PDE11A: variants seen among roughly 807,000 people sequenced by gnomAD.
PDE11A encodes the protein dual 3',5'-cyclic-AMP and -GMP phosphodiesterase 11A.
Under a neutral mutation model 100.5 loss-of-function variants are expected in PDE11A, and 100 were observed. The ratio of observed to expected loss-of-function variants is 1.00; its 90% CI spans 0.85 to 1.18. The LOEUF (loss-of-function observed/expected upper bound fraction) is 1.18, where lower values mean the gene tolerates loss of function less well. PDE11A is among the 50% of genes most tolerant of loss of function. The pLI, the probability that PDE11A is intolerant of heterozygous loss-of-function variation, is 0.00. For missense variants in PDE11A, 1,141 were observed against 1,152.6 expected (o/e 0.99, Z 0.15); for synonymous variants, 381 against 420.8 (o/e 0.91, Z 1.16).
intron 9 of PDE11A, among the ~76,000 whole-genome samples, chr2:177,816,135 C>T (rs946809419): frequency 1.1e-4 from 16 of 151,432 alleles, no homozygotes; most frequent in South Asian, 4.2e-4. Flanking sequence ...TGCTTGAACC[C>T]GGGAGGTAGA....
chr2:177,896,338 C>T (rs571445445), intron 4 of PDE11A, among the ~76,000 whole-genome samples: 97 of 152,320 alleles, frequency 6.4e-4, no homozygotes, highest in Non-Finnish European at 1.2e-3. Flanking sequence ...TTAGACCACA[C>T]CATAAAAATT....
Position 177,675,412 on chromosome 2 carries a change from C to G in PDE11A, c.2487+43G>C, listed in dbSNP as rs189004738. The stretch of plus-strand genomic sequence containing the variant: ...GAATATTGTGTCCCCCTTACGCCCC[C>G]CAGTCCCTCCTCTGCTGAGCCCTGC... On this transcript the variant is annotated intron_variant, in intron 17 of 19. Transcript: ENST00000286063. 2.3e-4 allele frequency: 327 copies of G among 1,434,386 alleles called. 2 individuals are homozygous for G. In the African/African-American group the frequency reaches 3.7e-3, roughly 16 times the overall value. The allele number at this position is 1,434,386 out of a possible 1,614,324, so 88.9% of individuals were successfully genotyped here. A position where few individuals can be genotyped will look rare whatever the true frequency, so the allele number is the denominator to read the frequency against.
intron 1 of PDE11A, among the ~76,000 whole-genome samples, chr2:178,031,224 A>C (rs956856612): frequency 6.6e-6 from 1 of 152,204 alleles, no homozygotes; most frequent in African/African-American, 2.4e-5. Flanking sequence ...AACCCACAGA[A>C]ACCTCATACC....
In PDE11A at chr2:177,785,699, C is replaced by T. The variant is rs932105564; in HGVS notation, c.1738-16326G>A. Among the ~76,000 whole-genome samples, 4 of 152,176 alleles carry T rather than the reference C, an allele frequency of 2.6e-5. No homozygotes were observed. In the South Asian group the frequency reaches 6.2e-4, roughly 24 times the overall value. ...CTCCCACCCTAATACTGCGCTTTTC[C>T]GACGGGCTTAAAAAACGGCGCACCA... is the stretch of plus-strand genomic sequence containing the variant. On this transcript the variant is annotated intron_variant, in intron 9 of 19. Coordinates refer to ENST00000286063, the MANE Select transcript of PDE11A (RefSeq NM_016953.4).
chr2:177,686,912 T>C (rs2080960685), intron 15 of PDE11A: 1 of 151,988 alleles, frequency 6.6e-6, no homozygotes, highest in Admixed American at 6.6e-5. Flanking sequence ...AGATGGTGTT[T>C]TGCTATGTTG....
At chr2:177,823,861 G>A (rs1294840903) in intron 6 of PDE11A, among the ~76,000 whole-genome samples, 1 of 152,178 alleles carries the variant, frequency 6.6e-6, no homozygotes, top group Non-Finnish European at 1.5e-5. Context: ...GCACCAAGTA[G>A]TAAACACAAT....
intron 1 of PDE11A, among the ~76,000 whole-genome samples, chr2:178,069,430 A>G (rs1428584077): frequency 6.6e-5 from 10 of 152,170 alleles, no homozygotes; most frequent in Non-Finnish European, 8.8e-5. Context: ...AAGCCAATGG[A>G]AAAAGAAAAG....
intron 2 of PDE11A, among the ~76,000 whole-genome samples, chr2:177,958,073 T>G (rs1189416403): frequency 6.6e-6 from 1 of 152,002 alleles, no homozygotes; most frequent in African/African-American, 2.4e-5. Context: ...GTATTTTTAG[T>G]AGACACGGGG....
chr2:177,947,325 G>A (rs1454974116), intron 2 of PDE11A, among the ~76,000 whole-genome samples: 1 of 149,338 alleles, frequency 6.7e-6, no homozygotes, highest in Non-Finnish European at 1.5e-5. Context: ...GGAATAGAAA[G>A]GCGGGAAAGG....
chr2:177,972,389 G>GT (rs1227947112), intron 2 of PDE11A, among the ~76,000 whole-genome samples: 3 of 152,186 alleles, frequency 2.0e-5, no homozygotes, highest in Admixed American at 2.0e-4. Context: ...TGTCTGGCAG[G>GT]TAATACTCAA....
chr2:178,072,913 C>T (rs1221066423), upstream of PDE11A: 2 of 985,312 alleles, frequency 2.0e-6, no homozygotes, highest in Non-Finnish European at 2.4e-6. Context: ...GGCTGCCAGG[C>T]GGTTCCTGGA....
intron 1 of PDE11A, among the ~76,000 whole-genome samples, chr2:178,059,704 G>T (rs1390059151): frequency 1.3e-5 from 2 of 152,170 alleles, no homozygotes; most frequent in African/African-American, 4.8e-5. Flanking sequence ...AGTGAAAACT[G>T]AAACAGGAAG....
At position 177,659,666 on chromosome 2, in the gene PDE11A, G is replaced by C. The variant is rs1258711546; in HGVS notation, c.2646+4200C>G. Among the ~76,000 whole-genome samples, 5 of 152,202 alleles carry C rather than the reference G, an allele frequency of 3.3e-5. 1 individual carries two copies. Among genetic ancestry groups the C allele is most frequent in the Non-Finnish European group, 7.3e-5 (5 of 68,030 alleles). On this transcript the variant is annotated intron_variant, in intron 19 of 19. Transcript: ENST00000286063. ...AAAATAAGGAGCCAGAACTTAGCTTGCTATTGCAGACAAAAGCTCAAAATG... is the reference window on the plus strand; with the variant it reads ...AAAATAAGGAGCCAGAACTTAGCTTCCTATTGCAGACAAAAGCTCAAAATG...
intron 5 of PDE11A, among the ~76,000 whole-genome samples, chr2:177,852,659 A>G (rs1235413020): frequency 1.3e-5 from 2 of 152,190 alleles, no homozygotes; most frequent in Non-Finnish European, 2.9e-5. Flanking sequence ...GACTTGGGAC[A>G]TTAAAAATCT....
chr2:177,834,410 G>A (rs1452309261), intron 6 of PDE11A, among the ~76,000 whole-genome samples: 1 of 152,156 alleles, frequency 6.6e-6, no homozygotes, highest in Admixed American at 6.5e-5. Flanking sequence ...TCTTTTCCAT[G>A]GATTTTCCTT....
intron 19 of PDE11A, among the ~76,000 whole-genome samples, chr2:177,651,531 G>C (rs1337594060): frequency 6.6e-6 from 1 of 152,154 alleles, no homozygotes; most frequent in African/African-American, 2.4e-5. Context: ...AGGATGGCGA[G>C]TCCTCAGTTT....
At chr2:177,967,938 T>C (rs2085719360) in intron 2 of PDE11A, among the ~76,000 whole-genome samples, 1 of 152,210 alleles carries the variant, frequency 6.6e-6, no homozygotes, top group Non-Finnish European at 1.5e-5. Context: ...AATGAATAAA[T>C]GAATACCTAT....
At chr2:177,655,265 G>A (rs1184017664) in intron 19 of PDE11A, among the ~76,000 whole-genome samples, 2 of 151,926 alleles carry the variant, frequency 1.3e-5, no homozygotes, top group Admixed American at 1.3e-4. Flanking sequence ...TTTTTTCAAA[G>A]TTTTATGAAA....
At chr2:177,939,428 G>A (rs1183161031) in intron 2 of PDE11A, among the ~76,000 whole-genome samples, 1 of 135,624 alleles carries the variant, frequency 7.4e-6, no homozygotes, top group Non-Finnish European at 1.6e-5. Context: ...AGAAGGAAGG[G>A]AGGAGGAAGG....
Sources: allele counts gnomAD v4.1 joint callset (sites outside exome capture counted in the v4.1 genomes callset), GRCh38; gene constraint gnomAD v4.1.1; transcripts MANE v1.5; gene names NCBI Gene and HGNC (gene_info 2026-07-23, HGNC 2026-07-21).